Variants in MAP4K5 observed in about 807,000 individuals in gnomAD.
MAP4K5 encodes the protein MAPK/ERK kinase kinase kinase 5.
MAP4K5 carries 82 observed loss-of-function variants against 135.6 expected under a neutral mutation model. That is an observed-to-expected ratio of 0.60 (90% CI 0.51 to 0.73). The LOEUF (loss-of-function observed/expected upper bound fraction) is 0.73. Among genes scored for constraint, MAP4K5 ranks in the 30% least tolerant of loss-of-function variants. The probability of loss-of-function intolerance (pLI) is 0.00; values close to 1 mark genes in which losing one functional copy is unlikely to be tolerated. For missense variants in MAP4K5, 907 were observed against 1,010.9 expected (o/e 0.90, Z 1.39); for synonymous variants, 347 against 335.0 (o/e 1.04, Z -0.39).
chr14:50,439,967 A>G, intron 23 of MAP4K5, 46 bp downstream of exon 23: 1 of 1,403,760 alleles, frequency 7.1e-7, no homozygotes, highest in Non-Finnish European at 9.7e-7. Context: ...TTAAAATTAC[A>G]TTTCTCTGCT....
intron 2 of MAP4K5, among the ~76,000 whole-genome samples, chr14:50,514,122 G>A (rs2037983845): frequency 6.6e-6 from 1 of 152,140 alleles, no homozygotes; most frequent in Admixed American, 6.5e-5. Flanking sequence ...CTGTCACCCA[G>A]GCTGGAGCAC....
At chr14:50,427,100 T>C (rs1465431436) in intron 30 of MAP4K5, among the ~76,000 whole-genome samples, 5 of 152,044 alleles carry the variant, frequency 3.3e-5, no homozygotes, top group East Asian at 1.9e-4. Flanking sequence ...CATTTTTTTT[T>C]CCCCAGGAGG....
intron 1 of MAP4K5, among the ~76,000 whole-genome samples, chr14:50,553,947 C>T (rs1228706853): frequency 4.6e-5 from 7 of 151,884 alleles, no homozygotes; most frequent in Admixed American, 1.3e-4. Context: ...TTGGGGACTC[C>T]GGGCAAAGGG....
At chr14:50,531,724 C>T (rs1421964784) in intron 2 of MAP4K5, among the ~76,000 whole-genome samples, 1 of 152,138 alleles carries the variant, frequency 6.6e-6, no homozygotes, top group Non-Finnish European at 1.5e-5. Context: ...AGTGCAACAG[C>T]GGTTTGCAAC....
intron 3 of MAP4K5, among the ~76,000 whole-genome samples, chr14:50,490,007 C>T (rs1039034719): frequency 1.3e-5 from 2 of 151,732 alleles, no homozygotes; most frequent in Non-Finnish European, 2.9e-5. Context: ...TCTACCAAAC[C>T]GCAGACAGAG....
chr14:50,424,742 A>T (rs1170528008), intron 31 of MAP4K5, among the ~76,000 whole-genome samples: 1 of 151,284 alleles, frequency 6.6e-6, no homozygotes, highest in Admixed American at 6.6e-5. Context: ...TTAAAAATAG[A>T]TATTTCGGAA....
At chr14:50,523,576 TC>T (rs1269560010) in intron 2 of MAP4K5, among the ~76,000 whole-genome samples, 1 of 152,220 alleles carries the variant, frequency 6.6e-6, no homozygotes, top group Non-Finnish European at 1.5e-5. Flanking sequence ...ACCCTGACCA[TC>T]CTTATATAAT....
rs894961238 is a variant in MAP4K5 at position 50,440,328 on chromosome 14, T to G, written c.1644+34A>C. The G allele has an allele frequency of 2.2e-6, 3 of 1,368,620 alleles. No individual in the cohort carries two copies. In the Admixed American group the frequency reaches 5.5e-5, roughly 25 times the overall value. 84.8% of individuals were successfully genotyped at this position (1,368,620 alleles called of 1,614,324 possible). ...AAGACACTTCTTTATTCAATTTGTTTAAATTAATTTCTTGAATTAAAATGC... is the reference window on the plus strand; with the variant it reads ...AAGACACTTCTTTATTCAATTTGTTGAAATTAATTTCTTGAATTAAAATGC... On this transcript the variant is annotated intron_variant, in intron 22 of 32. Coordinates refer to ENST00000682126, the MANE Select transcript of MAP4K5 (RefSeq NM_006575.6).
At chr14:50,445,824 C>A (rs892903419) in intron 17 of MAP4K5, among the ~76,000 whole-genome samples, 11 of 152,160 alleles carry the variant, frequency 7.2e-5, no homozygotes, top group Non-Finnish European at 1.2e-4. Context: ...GCCTTTGTCT[C>A]CCGAAGTGCT....
intron 1 of MAP4K5, among the ~76,000 whole-genome samples, chr14:50,554,121 TA>T: frequency 6.6e-6 from 1 of 151,132 alleles, no homozygotes; most frequent in Non-Finnish European, 1.5e-5. Context: ...TTTTTTTTTT[TA>T]ATCCACAAAA....
Position 50,528,999 on chromosome 14 carries a change from A to G in MAP4K5, c.108+2943T>C, listed in dbSNP as rs1228259701. ...AGGACTTAGATCACTGATAGTGGAT[A>G]TACTATAAAATAGTTTTTCAGAAAT... On this transcript the variant is annotated intron_variant, in intron 2 of 32. Coordinates refer to ENST00000682126, the MANE Select transcript of MAP4K5 (RefSeq NM_006575.6). Among the ~76,000 whole-genome samples, 3 of 152,226 alleles carry G rather than the reference A, an allele frequency of 2.0e-5. No homozygotes were observed. In the East Asian group the frequency reaches 5.8e-4, roughly 29 times the overall value.
intron 13 of MAP4K5, among the ~76,000 whole-genome samples, chr14:50,457,994 T>C (rs1388388869): frequency 1.3e-5 from 2 of 152,192 alleles, no homozygotes; most frequent in African/African-American, 2.4e-5. Flanking sequence ...GTATCAATCA[T>C]GCTGGAGGAA....
chr14:50,476,355 T>G (rs139865147), intron 6 of MAP4K5, 49 bp from the exon 7 acceptor site: 1 of 923,356 alleles, frequency 1.1e-6, no homozygotes, highest in Admixed American at 3.8e-5. Flanking sequence ...AAACTGTAAA[T>G]GTGACTCCTA....
At chr14:50,454,294 G>A (rs916059061) in intron 14 of MAP4K5, among the ~76,000 whole-genome samples, 1 of 152,146 alleles carries the variant, frequency 6.6e-6, no homozygotes, top group Admixed American at 6.6e-5. Context: ...TAAGAAAACT[G>A]ATTGTGAAGG....
chr14:50,549,775 G>A (rs1318369218), intron 1 of MAP4K5, among the ~76,000 whole-genome samples: 1 of 152,078 alleles, frequency 6.6e-6, no homozygotes, highest in African/African-American at 2.4e-5. Flanking sequence ...AAAAAGGAAT[G>A]GCCTTTTAAA....
At position 50,440,590 on chromosome 14, in the gene MAP4K5, T is replaced by C. The variant is rs965469798; in HGVS notation, c.1565-149A>G. The C allele has an allele frequency of 9.3e-6, 5 of 534,840 alleles. No homozygotes were observed. The South Asian group carries it at 1.3e-4, about 14-fold the overall frequency. The allele number at this position is 534,840 out of a possible 1,614,324, so 33.1% of individuals were successfully genotyped here. A position where few individuals can be genotyped will look rare whatever the true frequency, so the allele number is the denominator to read the frequency against. On this transcript the variant is annotated intron_variant, in intron 21 of 32. Transcript: ENST00000682126. ...TTTCTTAAATTTGTATCACCTTCTT[T>C]ACCTCTTTCCCCAATTCCTTTCTTA... is the stretch of plus-strand genomic sequence containing the variant.
intron 14 of MAP4K5, among the ~76,000 whole-genome samples, chr14:50,451,302 G>A (rs2036480311): frequency 6.6e-6 from 1 of 152,194 alleles, no homozygotes; most frequent in African/African-American, 2.4e-5. Context: ...AGAGTGTAGT[G>A]GGAGTACAAA....
intron 2 of MAP4K5, among the ~76,000 whole-genome samples, chr14:50,507,404 TG>T (rs2037833777): frequency 6.6e-6 from 1 of 152,168 alleles, no homozygotes; most frequent in Non-Finnish European, 1.5e-5. Flanking sequence ...CTTTTGAATG[TG>T]TTTGCTCTTG....
Position 50,551,194 on chromosome 14 carries a change from T to C in MAP4K5, c.-179-8610A>G, listed in dbSNP as rs116083618. Among the ~76,000 whole-genome samples, 562 of 152,238 alleles carry C rather than the reference T, an allele frequency of 3.7e-3. 6 individuals are homozygous for C. Among genetic ancestry groups the C allele is most frequent in the African/African-American group, 0.013 (542 of 41,538 alleles). On this transcript the variant is annotated intron_variant, in intron 1 of 8. Coordinates refer to the MAP4K5 transcript ENST00000555216. ...GCTCAATTAGAAACAAAATGGAAGA[T>C]GTTATAACTGATACTACAGAAATAC...
Sources: gnomAD v4.1 joint callset for allele counts (sites outside exome capture counted in the v4.1 genomes callset) on GRCh38, gnomAD v4.1.1 for gene constraint, MANE v1.5 for transcripts, NCBI Gene and HGNC (gene_info 2026-07-23, HGNC 2026-07-21) for gene names.